The following FN3K variants were observed in gnomAD, a reference collection of about 807,000 sequenced individuals.
The protein encoded by FN3K is fructosamine-3-kinase.
Under a neutral mutation model 24.8 loss-of-function variants are expected in FN3K, and 24 were observed. The ratio of observed to expected loss-of-function variants is 0.97; its 90% confidence interval spans 0.70 to 1.36. The LOEUF is 1.36. Among genes scored for constraint, FN3K ranks in the 40% most tolerant of loss-of-function variants. The probability of loss-of-function intolerance (pLI) is 0.00; values close to 1 mark genes in which losing one functional copy is unlikely to be tolerated. For missense variants in FN3K, 449 were observed against 416.7 expected (o/e 1.08, Z -0.67); for synonymous variants, 192 against 175.2 (o/e 1.10, Z -0.76).
intron 4 of FN3K, among the ~76,000 whole-genome samples, chr17:82,747,054 A>C (rs946797285): frequency 5.9e-5 from 9 of 151,896 alleles, no homozygotes; most frequent in Admixed American, 4.6e-4. Flanking sequence ...CGAACTCCTG[A>C]TCTTGTGATC....
chr17:82,748,541 A>C (rs1290213051), intron 4 of FN3K, among the ~76,000 whole-genome samples: 6 of 151,744 alleles, frequency 4.0e-5, no homozygotes, highest in Non-Finnish European at 7.4e-5. Context: ...TTTGCACATA[A>C]CTTATTGTTG....
Position 82,735,644 on chromosome 17 carries a change from A to G in FN3K, c.8A>G (p.Gln3Arg), listed in dbSNP as rs1815355906. 1.0e-5 allele frequency: 16 copies of G among 1,537,926 alleles called. No homozygotes were observed. Among genetic ancestry groups the G allele is most frequent in the South Asian group, 3.6e-5 (3 of 83,406 alleles). Residue 3 changes from glutamine to arginine, a missense_variant, in exon 1 of 6, where the codon CAG (glutamine) becomes CGG (arginine). By Grantham distance (43) the Gln-to-Arg change is conservative. Transcript: ENST00000300784. ME[Q>R]LLRAELRTAT... ...TCCCGCGCCCCGCACTCCATGGAGC[A>G]GCTGCTGCGCGCCGAGCTGCGCACC... is the stretch of plus-strand genomic sequence containing the variant.
intron 1 of FN3K, among the ~76,000 whole-genome samples, chr17:82,737,083 C>G (rs893455900): frequency 7.2e-5 from 11 of 152,124 alleles, no homozygotes; most frequent in Non-Finnish European, 1.5e-4. Context: ...TGCCGGCCGC[C>G]CTCCCACCTG....
Position 82,738,446 on chromosome 17 carries a change from T to C in FN3K, c.142-43T>C, listed in dbSNP as rs1302779039. ...TCAAGGGCCCAGTGGGCAGAGGCCC[T>C]GGCTGAGTCAACAAGGCTGACAAGG... On this transcript the variant is annotated intron_variant, in intron 1 of 5. Transcript: ENST00000300784. 3.1e-6 allele frequency: 5 copies of C among 1,611,156 alleles called. No individual in the cohort carries two copies. The African/African-American group carries it at 4.0e-5, about 13-fold the overall frequency.
chr17:82,743,783 G>T (rs2046953631), intron 4 of FN3K, among the ~76,000 whole-genome samples: 1 of 152,266 alleles, frequency 6.6e-6, no homozygotes, highest in Admixed American at 6.5e-5. Flanking sequence ...CAGCGGGGCA[G>T]CTGGGCTTCG....
intron 4 of FN3K, chr17:82,742,696 G>A (rs1045654415): frequency 8.8e-6 from 4 of 456,222 alleles, no homozygotes; most frequent in South Asian, 4.6e-5. Flanking sequence ...ACTTTGGACA[G>A]CCCAACTGCC....
chr17:82,747,029 T>C (rs2046972696), intron 4 of FN3K, among the ~76,000 whole-genome samples: 1 of 151,854 alleles, frequency 6.6e-6, no homozygotes, highest in Non-Finnish European at 1.5e-5. Flanking sequence ...TTCACCATCT[T>C]GGCCAGGATG....
chr17:82,743,716 G>A (rs757531240), intron 4 of FN3K, among the ~76,000 whole-genome samples: 7 of 152,244 alleles, frequency 4.6e-5, no homozygotes, highest in Non-Finnish European at 8.8e-5. Context: ...TCACTGATCC[G>A]TTTTATAGAT....
At chr17:82,740,888 C>G (rs1412579014) in intron 3 of FN3K, 34 bp downstream of exon 3, 3 of 1,454,314 alleles carry the variant, frequency 2.1e-6, no homozygotes, top group Non-Finnish European at 2.9e-6. Flanking sequence ...ACCCTTGATC[C>G]AGCCACATTG....
intron 3 of FN3K, chr17:82,741,097 A>G: frequency 1.2e-5 from 8 of 667,090 alleles, no homozygotes; most frequent in South Asian, 1.2e-4. Context: ...AGGTAATAAT[A>G]ACCCCTTTTA....
In FN3K at chr17:82,747,718, G is replaced by A. The variant is rs1463207642; in HGVS notation, c.469-1137G>A. Among the ~76,000 whole-genome samples, 3 of 152,156 alleles carry A rather than the reference G, an allele frequency of 2.0e-5. No homozygotes were observed. The South Asian group carries it at 6.2e-4, about 32-fold the overall frequency. On this transcript the variant is annotated intron_variant, in intron 4 of 5. Transcript: ENST00000300784. ...CTGGCCTTCCTATTGATTTCTAATTGAATTTGATTATACTTTGCATGCTTA... is the reference window on the plus strand; with the variant it reads ...CTGGCCTTCCTATTGATTTCTAATTAAATTTGATTATACTTTGCATGCTTA...
chr17:82,740,659 G>T (rs2046936139), intron 2 of FN3K, 104 bp from the exon 3 acceptor site: 2 of 782,772 alleles, frequency 2.6e-6, no homozygotes, highest in Non-Finnish European at 2.2e-6. Flanking sequence ...TTGAAGAATG[G>T]AGAATAGTTT....
intron 1 of FN3K, 53 bp downstream of exon 1, chr17:82,735,830 A>G (rs2046897353): frequency 8.3e-6 from 12 of 1,449,846 alleles, no homozygotes; most frequent in South Asian, 2.5e-5. Context: ...GGGCCTGGGA[A>G]GGCGGAGGGG....
chr17:82,741,916 T>C (rs112931808), intron 4 of FN3K, among the ~76,000 whole-genome samples: 1,553 of 152,334 alleles, frequency 0.01, 25 homozygotes, highest in African/African-American at 0.035. Flanking sequence ...TTTTCTTTTT[T>C]ATTTTTTTGA....
At chr17:82,743,443 G>A (rs1192505755) in intron 4 of FN3K, among the ~76,000 whole-genome samples, 1 of 152,126 alleles carries the variant, frequency 6.6e-6, no homozygotes, top group Non-Finnish European at 1.5e-5. Context: ...GTTGTGCCTC[G>A]GACAGCACCA....
intron 4 of FN3K, among the ~76,000 whole-genome samples, chr17:82,747,251 G>A (rs1488015364): frequency 6.6e-6 from 1 of 152,136 alleles, no homozygotes; most frequent in Non-Finnish European, 1.5e-5. Context: ...CTGCTTTAGT[G>A]GCATCTCACA....
chr17:82,738,947 T>TATATA (rs1491164859), intron 2 of FN3K, among the ~76,000 whole-genome samples: 1 of 65,254 alleles, frequency 1.5e-5, no homozygotes, highest in African/African-American at 6.4e-5. Context: ...TATATATATA[T>TATATA]TTTTTTTTTT....
chr17:82,741,542 A>G, intron 4 of FN3K, 149 bp downstream of exon 4: 1 of 734,124 alleles, frequency 1.4e-6, no homozygotes, highest in Non-Finnish European at 2.3e-6. Context: ...TGGAATGGGG[A>G]GAGCAGACGC....
intron 1 of FN3K, chr17:82,738,095 A>T: frequency 4.9e-6 from 1 of 203,954 alleles, no homozygotes; most frequent in East Asian, 1.2e-4. Flanking sequence ...AGTTAGCTCC[A>T]GTGAGGCCTC....
Sources: gnomAD v4.1 joint callset for allele counts (sites outside exome capture counted in the v4.1 genomes callset) on GRCh38, gnomAD v4.1.1 for gene constraint, MANE v1.5 for transcripts, NCBI Gene and HGNC (gene_info 2026-07-23, HGNC 2026-07-21) for gene names.